EAF2: variants seen among roughly 807,000 people sequenced by gnomAD.
EAF2 encodes the protein ELL-associated factor 2.
EAF2 carries 29 observed loss-of-function variants against 29.4 expected under a neutral mutation model. The ratio of observed to expected loss-of-function variants is 0.99; its 90% CI spans 0.73 to 1.35. The LOEUF (loss-of-function observed/expected upper bound fraction) is 1.35, where lower values mean the gene tolerates loss of function less well. EAF2 is among the 40% of genes most tolerant of loss of function. The pLI is 0.00. For missense variants in EAF2, 292 were observed against 312.0 expected (o/e 0.94, Z 0.48); for synonymous variants, 103 against 102.5 (o/e 1.00, Z -0.03).
intron 1 of EAF2, among the ~76,000 whole-genome samples, chr3:121,843,802 C>T (rs2107500532): frequency 6.6e-6 from 1 of 152,120 alleles, no homozygotes; most frequent in Non-Finnish European, 1.5e-5. Flanking sequence ...TCTAAAGTGA[C>T]AGATTTGGTT....
intron 4 of EAF2, among the ~76,000 whole-genome samples, chr3:121,870,730 A>G (rs1186571581): frequency 6.6e-6 from 1 of 152,198 alleles, no homozygotes; most frequent in Non-Finnish European, 1.5e-5. Flanking sequence ...ACAAACAAAT[A>G]TAAAAATGGA....
At chr3:121,884,722 C>T (rs1303211743) in intron 5 of EAF2, among the ~76,000 whole-genome samples, 2 of 151,814 alleles carry the variant, frequency 1.3e-5, no homozygotes, top group East Asian at 1.9e-4. Flanking sequence ...ACCGCGTGCC[C>T]GACCTCGCAG....
chr3:121,835,237 A>G lies in EAF2; in HGVS notation c.-49A>G, dbSNP rs1321182728. 6.4e-7 allele frequency: 1 copy of G among 1,566,862 alleles called. No individual in the cohort carries two copies. Among genetic ancestry groups the G allele is most frequent in the Non-Finnish European group, 8.8e-7 (1 of 1,137,204 alleles). On this transcript the variant is annotated 5_prime_UTR_variant, in exon 1 of 6. Coordinates refer to ENST00000273668, the MANE Select transcript of EAF2 (RefSeq NM_018456.6). The stretch of plus-strand genomic sequence containing the variant: ...TGCAGCTGCTTCAGGCTGAGGTGGC[A>G]GATAGTGAGCGCTGGTGGCGGAGTT...
chr3:121,862,053 T>C (rs780834611), intron 4 of EAF2, among the ~76,000 whole-genome samples: 1 of 152,248 alleles, frequency 6.6e-6, no homozygotes, highest in Non-Finnish European at 1.5e-5. Context: ...GTTAGTCTGA[T>C]GGGCTTCGCT....
chr3:121,868,900 A>G (rs1708967533), intron 4 of EAF2, among the ~76,000 whole-genome samples: 1 of 152,240 alleles, frequency 6.6e-6, no homozygotes, highest in Non-Finnish European at 1.5e-5. Flanking sequence ...AACATGCCAC[A>G]CAACAGCAGA....
chr3:121,865,662 A>AT (rs565186198), intron 4 of EAF2, among the ~76,000 whole-genome samples: 60 of 149,150 alleles, frequency 4.0e-4, no homozygotes, highest in Non-Finnish European at 7.5e-4. Flanking sequence ...CCCCATCTCT[A>AT]TAAAAAAAAA....
intron 1 of EAF2, among the ~76,000 whole-genome samples, chr3:121,843,363 A>G (rs1708467249): frequency 6.6e-6 from 1 of 152,088 alleles, no homozygotes; most frequent in Admixed American, 6.5e-5. Context: ...ATAAATATCC[A>G]TTACTTTGGA....
chr3:121,842,479 GA>G (rs1341263471), intron 1 of EAF2, among the ~76,000 whole-genome samples: 12 of 152,130 alleles, frequency 7.9e-5, no homozygotes, highest in Non-Finnish European at 1.6e-4. Context: ...TCTAGCTTTA[GA>G]AAACAGTTGC....
chr3:121,873,198 A>G, intron 5 of EAF2: 2 of 570,728 alleles, frequency 3.5e-6, no homozygotes, highest in Non-Finnish European at 3.1e-6. Flanking sequence ...TCTAGGCTTT[A>G]GACACATGTT....
chr3:121,847,060 A>G (rs1287701337), intron 2 of EAF2, among the ~76,000 whole-genome samples: 1 of 152,206 alleles, frequency 6.6e-6, no homozygotes, highest in Non-Finnish European at 1.5e-5. Flanking sequence ...TGTCCAAAAA[A>G]GAATATGCCT....
chr3:121,885,054 G>A (rs1243533086), intron 5 of EAF2, among the ~76,000 whole-genome samples: 1 of 152,000 alleles, frequency 6.6e-6, no homozygotes, highest in African/African-American at 2.4e-5. Context: ...ATATATTTGG[G>A]TATTTACTAG....
At chr3:121,856,535 G>T (rs755112530) in intron 3 of EAF2, among the ~76,000 whole-genome samples, 2 of 152,158 alleles carry the variant, frequency 1.3e-5, no homozygotes, top group Non-Finnish European at 2.9e-5. Context: ...AGGCTGGAGT[G>T]CAGTGGCGCA....
intron 2 of EAF2, among the ~76,000 whole-genome samples, chr3:121,848,859 A>G (rs1464082752): frequency 7.1e-6 from 1 of 141,664 alleles, no homozygotes; most frequent in African/African-American, 2.7e-5. Flanking sequence ...ACTTTTAAAA[A>G]ATAAGGGTTA....
chr3:121,849,393 C>T (rs1283945603), intron 2 of EAF2, among the ~76,000 whole-genome samples: 4 of 152,160 alleles, frequency 2.6e-5, no homozygotes, highest in Non-Finnish European at 5.9e-5. Context: ...CTCTTCCTTA[C>T]AAACAGTTCT....
intron 4 of EAF2, among the ~76,000 whole-genome samples, chr3:121,862,519 A>G (rs974672780): frequency 1.3e-5 from 2 of 152,160 alleles, no homozygotes; most frequent in Non-Finnish European, 2.9e-5. Context: ...TTTCAGCTCC[A>G]TCAGGTCATT....
intron 2 of EAF2, among the ~76,000 whole-genome samples, 162 bp from the exon 3 acceptor site, chr3:121,854,524 CT>C (rs1435678231): frequency 1.3e-5 from 2 of 151,942 alleles, no homozygotes; most frequent in African/African-American, 4.8e-5. Context: ...CTTCATCTGT[CT>C]TTTTTACTAC....
In EAF2 at chr3:121,844,685, A is replaced by G. The variant is rs370065032; in HGVS notation, c.201+138A>G. On this transcript the variant is annotated intron_variant, in intron 2 of 5. Coordinates refer to ENST00000273668, the MANE Select transcript of EAF2 (RefSeq NM_018456.6). ...ACAGATAAGCAAAAACCATATTTTA[A>G]ACTACTTTAGGCAAAAAAAACTTAA... 307 of 485,692 alleles carry G rather than the reference A, an allele frequency of 6.3e-4. 3 individuals carry two copies. The African/African-American group carries it at 6.5e-3, about 10-fold the overall frequency. The allele number at this position is 485,692 out of a possible 1,614,324, so 30.1% of individuals were successfully genotyped here.
Position 121,886,470 on chromosome 3 carries a change from G to A in EAF2, c.*82G>A. Reference sequence around the variant, plus strand: ...AACAATAAAAATTCCTAAGACTGAGGGAAATATGTCTTAACTTTTGATGAT... The same window carrying A: ...AACAATAAAAATTCCTAAGACTGAGAGAAATATGTCTTAACTTTTGATGAT... On this transcript the variant is annotated 3_prime_UTR_variant, in exon 6 of 6. Coordinates refer to ENST00000273668, the MANE Select transcript of EAF2 (RefSeq NM_018456.6). 1 of 741,768 alleles carries A rather than the reference G, an allele frequency of 1.3e-6. No individual in the cohort carries two copies. The highest frequency in any genetic ancestry group is 2.0e-6 in the Non-Finnish European group (1 of 504,984). 45.9% of individuals were successfully genotyped at this position (741,768 alleles called of 1,614,324 possible). A position where few individuals can be genotyped will look rare whatever the true frequency, so the allele number is the denominator to read the frequency against.
intron 4 of EAF2, among the ~76,000 whole-genome samples, chr3:121,867,498 C>G (rs1264698028): frequency 6.6e-6 from 1 of 152,096 alleles, no homozygotes; most frequent in Non-Finnish European, 1.5e-5. Context: ...TAATATATTT[C>G]AAGTGCTGAA....
Sources: gnomAD v4.1 joint callset for allele counts (sites outside exome capture counted in the v4.1 genomes callset) on GRCh38, gnomAD v4.1.1 for gene constraint, MANE v1.5 for transcripts, NCBI Gene and HGNC (gene_info 2026-07-23, HGNC 2026-07-21) for gene names.